The following TTC39A variants were observed in gnomAD, a reference collection of about 807,000 sequenced individuals.
TTC39A encodes the protein tetratricopeptide repeat protein 39A.
In TTC39A, 46 loss-of-function variants were observed where a neutral mutation model predicts 82.3. The ratio of observed to expected loss-of-function variants is 0.56; its 90% CI spans 0.44 to 0.71. The LOEUF is 0.71. TTC39A is among the 30% of genes least tolerant of loss of function. The pLI is 0.00. For synonymous variants in TTC39A, 254 were observed against 275.2 expected, an observed-to-expected ratio of 0.92 and a Z score of 0.76; for missense variants, 543 against 712.9, an observed-to-expected ratio of 0.76 and a Z score of 2.71.
chr1:51,323,534 T>C (rs2148287514), intron 1 of TTC39A, among the ~76,000 whole-genome samples: 1 of 152,364 alleles, frequency 6.6e-6, no homozygotes, highest in East Asian at 1.9e-4. Flanking sequence ...CTCTCTTCTC[T>C]GTTAGACCTT....
chr1:51,303,753 C>A (rs751271506), intron 8 of TTC39A, among the ~76,000 whole-genome samples: 5 of 152,244 alleles, frequency 3.3e-5, no homozygotes, highest in African/African-American at 4.8e-5. Context: ...CTCAAACCCT[C>A]CATGGCTCCC....
At position 51,302,551 on chromosome 1, in the gene TTC39A, C is replaced by T. The variant is rs1449159467; in HGVS notation, c.786G>A (p.Glu262=). The change falls in exon 10 of 18, where the codon GAG becomes GAA. Residue 262 remains glutamate (E), a synonymous_variant. Coordinates refer to ENST00000680483, the MANE Select transcript of TTC39A (RefSeq NM_001297663.2). ...AGGGCTTCAAGAGCTTCTCGGCCTC[C>T]TCGATGTTGACGTTCCCAGTACCTG... ...FVLGTGNVNI[E]EAEKLLKPYL... 1.2e-6 allele frequency: 2 copies of T among 1,606,834 alleles called. No homozygotes were observed. The highest frequency in any genetic ancestry group is 1.7e-6 in the Non-Finnish European group (2 of 1,176,744).
intron 5 of TTC39A, 64 bp from the exon 6 acceptor site, chr1:51,309,389 A>G: frequency 6.2e-7 from 1 of 1,611,230 alleles, no homozygotes; most frequent in Non-Finnish European, 8.5e-7. Context: ...GAGAGGGATC[A>G]TGCAAGGCTC....
Position 51,305,302 on chromosome 1 carries a change from C to T in TTC39A, c.589-156G>A, listed in dbSNP as rs180920775. Among the ~76,000 whole-genome samples, 57 of 152,268 alleles carry T rather than the reference C, an allele frequency of 3.7e-4. No homozygotes were observed. In the Middle Eastern group the frequency reaches 0.014, roughly 36 times the overall value. ...CCTCTAGCCAATGTTTTCCAAAGCT[C>T]GGGCAGTAGATGGCAGCTAAGATAT... On this transcript the variant is annotated intron_variant, in intron 7 of 17. Coordinates refer to ENST00000680483, the MANE Select transcript of TTC39A (RefSeq NM_001297663.2).
Position 51,321,214 on chromosome 1 carries a change from G to T in TTC39A, c.146+507C>A, listed in dbSNP as rs771655468. Reference sequence around the variant, plus strand: ...AGTGATAAGAAAGGGTGAGTTTTACGGTATCTGAATTACATCTCAATTTTT... The same window carrying T: ...AGTGATAAGAAAGGGTGAGTTTTACTGTATCTGAATTACATCTCAATTTTT... On this transcript the variant is annotated intron_variant, in intron 2 of 17. Coordinates refer to ENST00000680483, the MANE Select transcript of TTC39A (RefSeq NM_001297663.2). The surrounding 1 kb of genome is among the most constrained non-coding windows in gnomAD (Gnocchi z 4.6). 1.3e-5 allele frequency among the ~76,000 whole-genome samples: 2 copies of T among 152,112 alleles called. No individual in the cohort carries two copies. Among genetic ancestry groups the T allele is most frequent in the African/African-American group, 4.8e-5 (2 of 41,416 alleles).
In TTC39A at chr1:51,345,098, C is replaced by T. The variant is rs1646082237; in HGVS notation, c.-55G>A. On this transcript the variant is annotated 5_prime_UTR_variant, in exon 1 of 6. Transcript: ENST00000401051. ...GGGCGGCCCCTCGCGGCGGCGGCGG[C>T]GGCCGTGGAGGCTACAGTGGCAGCA... 13 of 1,260,716 alleles carry T rather than the reference C, an allele frequency of 1.0e-5. No homozygotes were observed. In the South Asian group the frequency reaches 1.1e-4, roughly 10 times the overall value. 78.1% of individuals were successfully genotyped at this position (1,260,716 alleles called of 1,614,324 possible). A position where few individuals can be genotyped will look rare whatever the true frequency, so the allele number is the denominator to read the frequency against.
chr1:51,331,724 C>G, upstream of TTC39A: 3 of 985,450 alleles, frequency 3.0e-6, no homozygotes, highest in Non-Finnish European at 2.4e-6. Context: ...ATCATCCCAT[C>G]TCTAGGAGTC....
At chr1:51,290,246 AG>A in intron 15 of TTC39A, 127 bp from the exon 16 acceptor site, 1 of 851,892 alleles carries the variant, frequency 1.2e-6, no homozygotes, top group Non-Finnish European at 1.8e-6. Flanking sequence ...TGTCCTCAGC[AG>A]GGGTCACATC....
intron 13 of TTC39A, 91 bp downstream of exon 13, chr1:51,295,988 G>T: frequency 7.0e-7 from 1 of 1,422,584 alleles, no homozygotes; most frequent in East Asian, 2.5e-5. Flanking sequence ...CCTCCCCAGT[G>T]CCCACAGCTC....
At chr1:51,309,150 T>G in intron 6 of TTC39A, 111 bp downstream of exon 6, 1 of 1,350,848 alleles carries the variant, frequency 7.4e-7, no homozygotes, top group South Asian at 1.5e-5. Context: ...GTCTACTAGG[T>G]TCTGGCCTCG....
intron 2 of TTC39A, among the ~76,000 whole-genome samples, chr1:51,317,893 CTG>C (rs1645351688): frequency 6.6e-6 from 1 of 152,194 alleles, no homozygotes; most frequent in African/African-American, 2.4e-5. Context: ...TGGGGTGTCT[CTG>C]TTAGGACGAG....
intron 12 of TTC39A, chr1:51,301,031 C>A (rs1220986057): frequency 6.6e-6 from 1 of 152,378 alleles, no homozygotes; most frequent in Non-Finnish European, 1.5e-5. Flanking sequence ...ATGGAAAGAC[C>A]AAGCCAGACG....
In TTC39A at chr1:51,290,234, C is replaced by G. The variant is rs191134345; in HGVS notation, c.1379-115G>C. On this transcript the variant is annotated intron_variant, in intron 15 of 17. Transcript: ENST00000680483. ...GGACACAGGTAAATCAGACACAGTCCCTGTCCTCAGCAGGGGTCACATCTA... is the reference window on the plus strand; with the variant it reads ...GGACACAGGTAAATCAGACACAGTCGCTGTCCTCAGCAGGGGTCACATCTA... 1,026 of 940,898 alleles carry G rather than the reference C, an allele frequency of 1.1e-3. 4 individuals carry two copies. The highest frequency in any genetic ancestry group is 1.7e-3 in the Admixed American group (69 of 40,242). 58.3% of individuals were successfully genotyped at this position (940,898 alleles called of 1,614,324 possible).
chr1:51,302,228 G>C (rs1320219036), intron 11 of TTC39A, 129 bp downstream of exon 11: 5 of 1,060,306 alleles, frequency 4.7e-6, no homozygotes, highest in Non-Finnish European at 7.1e-6. Flanking sequence ...CTCTCTGGTT[G>C]GTTCTCTCTT....
chr1:51,289,927 G>A (rs1644138317), intron 16 of TTC39A, 78 bp downstream of exon 16: 2 of 1,234,288 alleles, frequency 1.6e-6, no homozygotes, highest in African/African-American at 1.5e-5. Context: ...CCACTGCAGT[G>A]GGCATGAGGA....
upstream of TTC39A, chr1:51,331,690 A>G: frequency 1.0e-6 from 1 of 985,438 alleles, no homozygotes; most frequent in Non-Finnish European, 1.2e-6. Context: ...ATTTGTGAGC[A>G]GGGGCAGATG....
Position 51,317,919 on chromosome 1 carries a change from G to A in TTC39A, c.146+3802C>T, listed in dbSNP as rs145990703. 8.5e-5 allele frequency among the ~76,000 whole-genome samples: 13 copies of A among 152,300 alleles called. No individual in the cohort carries two copies. The South Asian group carries it at 1.2e-3, about 15-fold the overall frequency. ...TGTTAGGACGAGGGTTTCCTTTGGC[G>A]ATCCTGAGTGCTACAGGACTCCTGT... On this transcript the variant is annotated intron_variant, in intron 2 of 17. Coordinates refer to ENST00000680483, the MANE Select transcript of TTC39A (RefSeq NM_001297663.2).
chr1:51,323,088 A>C (rs1645590103), intron 1 of TTC39A, among the ~76,000 whole-genome samples: 1 of 151,710 alleles, frequency 6.6e-6, no homozygotes, highest in African/African-American at 2.4e-5. Context: ...CTCTTGCCTC[A>C]GCATCCCAAC....
intron 1 of TTC39A, among the ~76,000 whole-genome samples, chr1:51,328,763 A>T (rs945929717): frequency 6.6e-6 from 1 of 152,200 alleles, no homozygotes; most frequent in African/African-American, 2.4e-5. Context: ...ACTATTTGCT[A>T]TATTTTTCTG....
Sources: allele counts gnomAD v4.1 joint callset (sites outside exome capture counted in the v4.1 genomes callset), GRCh38; gene constraint gnomAD v4.1.1; non-coding constraint Gnocchi (gnomAD v3.1); transcripts MANE v1.5; gene names NCBI Gene and HGNC (gene_info 2026-07-23, HGNC 2026-07-21).